Variants in PMM2 observed in about 807,000 individuals in gnomAD.
The protein encoded by PMM2 is mannose-6-phosphate isomerase.
PMM2 carries 35 observed loss-of-function variants against 33.2 expected under a neutral mutation model. The ratio of observed to expected loss-of-function variants is 1.06; its 90% CI spans 0.81 to 1.40. PMM2 has a LOEUF of 1.40. Ranked by LOEUF, PMM2 falls within the 40% of genes most tolerant of loss-of-function variation. PMM2 has a pLI of 0.00. For missense variants in PMM2, 386 were observed against 306.0 expected (o/e 1.26, Z -1.95); for synonymous variants, 153 against 114.7 (o/e 1.33, Z -2.13).
chr16:8,833,643 C>T (rs977444375), intron 7 of PMM2, among the ~76,000 whole-genome samples: 8 of 150,670 alleles, frequency 5.3e-5, no homozygotes, highest in Admixed American at 4.6e-4. Flanking sequence ...GAAGGGAGGT[C>T]TTGTGGTAAG....
intron 7 of PMM2, among the ~76,000 whole-genome samples, chr16:8,843,253 G>A (rs1346303031): frequency 1.3e-5 from 2 of 152,104 alleles, no homozygotes; most frequent in African/African-American, 2.4e-5. Context: ...TCCCCGTTTC[G>A]ATTAAACAGT....
rs1406313026 is a variant in PMM2, at chr16:8,847,963, T to G, written c.*138T>G. 1.7e-5 allele frequency: 11 copies of G among 660,922 alleles called. No individual in the cohort carries two copies. Among genetic ancestry groups the G allele is most frequent in the Non-Finnish European group, 1.4e-5 (5 of 366,292 alleles). The allele number at this position is 660,922 out of a possible 1,614,324, so 40.9% of individuals were successfully genotyped here. ...TGCATGCTATGCCAGGCATGTGCAG[T>G]CTGGACTTCCACCTCCAGTGCCAGA... On this transcript the variant is annotated 3_prime_UTR_variant, in exon 8 of 8. Coordinates refer to ENST00000268261, the MANE Select transcript of PMM2 (RefSeq NM_000303.3).
At chr16:8,835,506 A>G (rs536330646) in intron 7 of PMM2, among the ~76,000 whole-genome samples, 2 of 152,050 alleles carry the variant, frequency 1.3e-5, no homozygotes, top group East Asian at 1.9e-4. Context: ...TAAAGAAAGC[A>G]TGTTTGAGAT....
intron 7 of PMM2, 57 bp from the exon 8 acceptor site, chr16:8,847,667 A>T: frequency 7.6e-7 from 1 of 1,317,154 alleles, no homozygotes; most frequent in Non-Finnish European, 1.1e-6. Flanking sequence ...GGGTCACATC[A>T]GCAATGGCCC....
intron 7 of PMM2, among the ~76,000 whole-genome samples, chr16:8,826,430 T>C (rs12325640): frequency 1.3e-5 from 2 of 152,082 alleles, no homozygotes; most frequent in Non-Finnish European, 2.9e-5. Flanking sequence ...TACCTCCATA[T>C]GTCCCCAGGC....
At chr16:8,813,963 T>C (rs1242682656) in intron 7 of PMM2, among the ~76,000 whole-genome samples, 1 of 146,260 alleles carries the variant, frequency 6.8e-6, no homozygotes, top group African/African-American at 2.5e-5. Flanking sequence ...GCCTCCCAGG[T>C]TCAAGCAATC....
intron 7 of PMM2, among the ~76,000 whole-genome samples, chr16:8,836,480 G>T (rs537940829): frequency 3.5e-4 from 54 of 152,178 alleles, no homozygotes; most frequent in Middle Eastern, 6.8e-3. Flanking sequence ...CGTGTAGCAA[G>T]CTCCTGGGGG....
At chr16:8,804,285 G>A (rs913874944) in intron 2 of PMM2, among the ~76,000 whole-genome samples, 3 of 151,856 alleles carry the variant, frequency 2.0e-5, no homozygotes, top group African/African-American at 4.8e-5. Flanking sequence ...GTAAAACCCC[G>A]CCAGCCTCAG....
chr16:8,836,907 A>G (rs8182102), intron 7 of PMM2, among the ~76,000 whole-genome samples: 62,370 of 151,728 alleles, frequency 0.41, 13,294 homozygotes, highest in Non-Finnish European at 0.46. Context: ...AGCTCCAGCC[A>G]CCTTTTCAAG....
chr16:8,813,565 A>C (rs2060689915), intron 7 of PMM2, among the ~76,000 whole-genome samples: 1 of 152,188 alleles, frequency 6.6e-6, no homozygotes, highest in Non-Finnish European at 1.5e-5. Flanking sequence ...GGACACCAGC[A>C]ACAGCAAAGA....
At chr16:8,812,639 G>A (rs914641474) in intron 6 of PMM2, among the ~76,000 whole-genome samples, 2 of 152,224 alleles carry the variant, frequency 1.3e-5, no homozygotes, top group Non-Finnish European at 2.9e-5. Flanking sequence ...CCCTGAGGGT[G>A]TGTTAAAGCC....
At chr16:8,805,179 C>T (rs187811800) in intron 3 of PMM2, among the ~76,000 whole-genome samples, 4 of 152,244 alleles carry the variant, frequency 2.6e-5, no homozygotes, top group East Asian at 1.9e-4. Context: ...ACAATTCTTA[C>T]GCCTCAGCCT....
At position 8,801,930 on chromosome 16, in the gene PMM2, T is replaced by G. The variant is rs1409439635; in HGVS notation, c.178+20T>G. 11 of 1,450,352 alleles carry G rather than the reference T, an allele frequency of 7.6e-6. No individual in the cohort carries two copies. In the African/African-American group the frequency reaches 1.5e-4, roughly 20 times the overall value. 89.8% of individuals were successfully genotyped at this position (1,450,352 alleles called of 1,614,324 possible). On this transcript the variant is annotated intron_variant, in intron 2 of 7. Transcript: ENST00000268261. ...ATGATGGTAAATGATGGGTTGCTAA[T>G]TACATCTGGTAAAAGATTAACTTCT...
At chr16:8,836,391 G>T (rs1468625553) in intron 7 of PMM2, among the ~76,000 whole-genome samples, 1 of 151,988 alleles carries the variant, frequency 6.6e-6, no homozygotes, top group African/African-American at 2.4e-5. Flanking sequence ...TTTTCATGGG[G>T]TCCCGCACAG....
At chr16:8,830,128 A>T (rs1197445286) in intron 7 of PMM2, among the ~76,000 whole-genome samples, 1 of 152,190 alleles carries the variant, frequency 6.6e-6, no homozygotes, top group Admixed American at 6.5e-5. Flanking sequence ...GCAGCACCCC[A>T]TTAGTAGAGA....
chr16:8,849,287 C>T lies in PMM2; in HGVS notation c.*1462C>T, dbSNP rs1025857000. On this transcript the variant is annotated 3_prime_UTR_variant, in exon 8 of 8. Coordinates refer to ENST00000268261, the MANE Select transcript of PMM2 (RefSeq NM_000303.3). Reference sequence around the variant, plus strand: ...TGTCGAATGATACTGTAATGACCTTCCAAAGTGAAGAGTAGCACATTAAAG... The same window carrying T: ...TGTCGAATGATACTGTAATGACCTTTCAAAGTGAAGAGTAGCACATTAAAG... The T allele has an allele frequency of 2.6e-5, 4 of 152,272 alleles. No homozygotes were observed. Among genetic ancestry groups the T allele is most frequent in the Admixed American group, 2.6e-4 (4 of 15,284 alleles). 9.4% of individuals were successfully genotyped at this position (152,272 alleles called of 1,614,324 possible).
At chr16:8,804,033 T>TTTTTGGG (rs1567157564) in intron 2 of PMM2, among the ~76,000 whole-genome samples, 2 of 115,010 alleles carry the variant, frequency 1.7e-5, no homozygotes, top group Non-Finnish European at 3.5e-5. Flanking sequence ...TTTTTTTTGT[T>TTTTTGGG]TTTTTTTTTT....
At chr16:8,840,175 G>A (rs2060880678) in intron 7 of PMM2, among the ~76,000 whole-genome samples, 2 of 151,834 alleles carry the variant, frequency 1.3e-5, no homozygotes, top group South Asian at 4.1e-4. Context: ...GGTTGATAGT[G>A]TGGTGGAGAT....
chr16:8,827,765 C>T lies in PMM2; in HGVS notation c.639+14659C>T, dbSNP rs1295736143. ...ATATATATATATATATATATATGCA[C>T]ACATTTATATATATATATTTATATA... On this transcript the variant is annotated intron_variant, in intron 7 of 7. Transcript: ENST00000268261. Among the ~76,000 whole-genome samples, 58 of 60,998 alleles carry T rather than the reference C, an allele frequency of 9.5e-4. 1 individual carries two copies. Among genetic ancestry groups the T allele is most frequent in the South Asian group, 1.6e-3 (3 of 1,822 alleles). The allele number at this position is 60,998 out of a possible 152,430, so 40.0% of individuals were successfully genotyped here.
Sources: allele counts gnomAD v4.1 joint callset (sites outside exome capture counted in the v4.1 genomes callset), GRCh38; gene constraint gnomAD v4.1.1; transcripts MANE v1.5; gene names NCBI Gene and HGNC (gene_info 2026-07-23, HGNC 2026-07-21).